The following HEMK2 variants were observed in gnomAD, a reference collection of about 807,000 sequenced individuals.
The protein encoded by HEMK2 is HemK methyltransferase 2, ETF1 glutamine and histone H4 lysine.
the HEMK2 span, among the ~76,000 whole-genome samples, chr21:28,649,207 T>C: frequency 6.6e-6 from 1 of 152,038 alleles, no homozygotes; most frequent in South Asian, 2.1e-4. Flanking sequence ...ATTTCCTTGC[T>C]TTTCCCCTCT....
the HEMK2 span, among the ~76,000 whole-genome samples, chr21:28,846,130 T>C: frequency 1.3e-5 from 2 of 152,206 alleles, no homozygotes; most frequent in African/African-American, 2.4e-5. Flanking sequence ...CATAATCTTA[T>C]TCTTTTTTAT....
At chr21:28,877,277 G>A in the HEMK2 span, among the ~76,000 whole-genome samples, 22,425 of 134,096 alleles carry the variant, frequency 0.17, 2,144 homozygotes, top group South Asian at 0.23. Context: ...AGGAAGGAAG[G>A]AAGGAAGGAA....
At chr21:28,634,689 A>C in the HEMK2 span, among the ~76,000 whole-genome samples, 1 of 152,182 alleles carries the variant, frequency 6.6e-6, no homozygotes, top group African/African-American at 2.4e-5. Flanking sequence ...TGGTTATATG[A>C]ACTTAGACAA....
the HEMK2 span, among the ~76,000 whole-genome samples, chr21:28,866,175 A>ACAAAAAAC: frequency 1.3e-5 from 1 of 76,234 alleles, no homozygotes; most frequent in Non-Finnish European, 2.5e-5. Flanking sequence ...CAAAAAAAAA[A>ACAAAAAAC]ACACACACAC....
the HEMK2 span, among the ~76,000 whole-genome samples, chr21:28,804,790 T>G: frequency 6.6e-6 from 1 of 152,208 alleles, no homozygotes; most frequent in Non-Finnish European, 1.5e-5. Flanking sequence ...GCACATTTCT[T>G]TCATTCCTGC....
chr21:28,643,779 A>C, the HEMK2 span, among the ~76,000 whole-genome samples: 1 of 152,232 alleles, frequency 6.6e-6, no homozygotes, highest in African/African-American at 2.4e-5. Flanking sequence ...CCAGTCTATG[A>C]TAATTTGTTC....
the HEMK2 span, among the ~76,000 whole-genome samples, chr21:28,787,646 A>G: frequency 6.6e-6 from 1 of 152,214 alleles, no homozygotes; most frequent in Non-Finnish European, 1.5e-5. Flanking sequence ...TTCAAATCAA[A>G]ATCACAATGT....
the HEMK2 span, among the ~76,000 whole-genome samples, chr21:28,820,513 T>G: frequency 3.9e-4 from 59 of 152,272 alleles, no homozygotes; most frequent in Admixed American, 7.8e-4. Flanking sequence ...TGATTTCCCC[T>G]AAAAATCATT....
chr21:28,676,921 G>T, the HEMK2 span, among the ~76,000 whole-genome samples: 3 of 152,158 alleles, frequency 2.0e-5, no homozygotes, highest in Non-Finnish European at 2.9e-5. Context: ...TTAAGATGGA[G>T]CCAAGATGGC....
At chr21:28,730,721 C>A in the HEMK2 span, among the ~76,000 whole-genome samples, 5 of 152,060 alleles carry the variant, frequency 3.3e-5, no homozygotes, top group Non-Finnish European at 7.4e-5. Flanking sequence ...TAGCAGGGCT[C>A]CAAGACAGCA....
chr21:28,678,510 C>T, the HEMK2 span, among the ~76,000 whole-genome samples: 20 of 152,190 alleles, frequency 1.3e-4, no homozygotes, highest in South Asian at 4.1e-4. Context: ...TCTAGCAAGG[C>T]GGGCCAACAT....
chr21:28,691,854 T>C, the HEMK2 span, among the ~76,000 whole-genome samples: 20 of 152,354 alleles, frequency 1.3e-4, no homozygotes, highest in South Asian at 6.2e-4. Context: ...ATTCTTTAAA[T>C]GACTTTGTTA....
At chr21:28,832,738 AACATACAAGTGTTGCCCT>A in the HEMK2 span, among the ~76,000 whole-genome samples, 3 of 152,232 alleles carry the variant, frequency 2.0e-5, no homozygotes, top group Middle Eastern at 3.2e-3. Flanking sequence ...TAGAGGATTT[AACATACAAGTGTTGCCCT>A]ACATACAGAC....
At chr21:28,773,602 G>A in the HEMK2 span, among the ~76,000 whole-genome samples, 1 of 152,126 alleles carries the variant, frequency 6.6e-6, no homozygotes, top group African/African-American at 2.4e-5. Context: ...CCTAGTAATT[G>A]CATTTTAAAT....
At chr21:28,807,511 G>T in the HEMK2 span, among the ~76,000 whole-genome samples, 1 of 152,170 alleles carries the variant, frequency 6.6e-6, no homozygotes, top group African/African-American at 2.4e-5. Context: ...AGGGACCTCA[G>T]TTCATCCTAC....
At chr21:28,862,358 C>CATCA in the HEMK2 span, among the ~76,000 whole-genome samples, 13 of 149,034 alleles carry the variant, frequency 8.7e-5, no homozygotes, top group African/African-American at 1.3e-4. Flanking sequence ...AGAAAGTAGT[C>CATCA]GCCGGGCGCG....
chr21:28,735,683 G>A, the HEMK2 span, among the ~76,000 whole-genome samples: 1 of 152,318 alleles, frequency 6.6e-6, no homozygotes, highest in East Asian at 1.9e-4. Flanking sequence ...ATTGGTTTCA[G>A]ACCTTGGACT....
At chr21:28,779,539 T>G in the HEMK2 span, among the ~76,000 whole-genome samples, 1 of 152,224 alleles carries the variant, frequency 6.6e-6, no homozygotes, top group South Asian at 2.1e-4. Flanking sequence ...TTTAGATCTA[T>G]TGAGCAGCAG....
the HEMK2 span, among the ~76,000 whole-genome samples, chr21:28,757,873 C>A: frequency 2.6e-5 from 4 of 152,076 alleles, no homozygotes; most frequent in Non-Finnish European, 5.9e-5. Flanking sequence ...CAGACTGCAA[C>A]CAGAGGAAAT....
Sources: gnomAD v4.1 joint callset for allele counts (sites outside exome capture counted in the v4.1 genomes callset) on GRCh38, gnomAD v4.1.1 for gene constraint, MANE v1.5 for transcripts, NCBI Gene and HGNC (gene_info 2026-07-23, HGNC 2026-07-21) for gene names.